Variants in PASK observed in about 807,000 individuals in gnomAD.
PASK encodes PAS domain containing serine/threonine kinase.
A neutral mutation model predicts 121.0 loss-of-function variants in PASK; 110 were observed. The observed-to-expected ratio is 0.91, with a 90% CI of 0.78 to 1.06. PASK has a LOEUF of 1.06. PASK is among the 50% of genes least tolerant of loss of function. PASK has a pLI of 0.00. For synonymous variants in PASK, 686 were observed against 717.8 expected (o/e 0.96, Z 0.71); for missense variants, 1,643 against 1,702.3 (o/e 0.97, Z 0.61).
rs779898732 is a variant in PASK, at chr2:241,124,037, G to C, written c.2816C>G (p.Ser939Ter). The C allele has an allele frequency of 1.2e-6, 2 of 1,613,740 alleles. No individual in the cohort carries two copies. Among genetic ancestry groups the C allele is most frequent in the East Asian group, 4.5e-5 (2 of 44,864 alleles). ...AAGGAACAGGCGGGTCCTGGCGGCT[G>C]AGTCGCGTTGGCTGTGGAGGAGGTC... ...VKDLLHSQRD[S>*]AARTRLFLAS... The change falls in exon 11 of 18, where the codon TCA becomes TGA. Residue 939 changes from serine (S) to a stop codon, truncating the protein, a stop_gained. Transcript: ENST00000234040. LOFTEE classifies it high-confidence loss of function.
intron 3 of PASK, 108 bp from the exon 4 acceptor site, chr2:241,140,163 C>CA (rs1180350683): frequency 1.2e-6 from 1 of 869,422 alleles, no homozygotes; most frequent in African/African-American, 1.7e-5. Flanking sequence ...TCCTGACAGA[C>CA]AGGGTCTCAC....
In PASK at chr2:241,112,524, CA is replaced by C. The variant is rs764990620; in HGVS notation, c.3334-86del. 4.8e-6 allele frequency: 4 copies of C among 830,308 alleles called. No individual in the cohort carries two copies. The highest frequency in any genetic ancestry group is 5.6e-6 in the Non-Finnish European group (3 of 531,230). 51.4% of individuals were successfully genotyped at this position (830,308 alleles called of 1,614,324 possible). A position where few individuals can be genotyped will look rare whatever the true frequency, so the allele number is the denominator to read the frequency against. On this transcript the variant is annotated intron_variant, in intron 14 of 17. Transcript: ENST00000234040. The surrounding 1 kb of genome is among the most constrained non-coding windows in gnomAD (Gnocchi z 5.2). ...TAAAATAAACTGGAACAAAAAAAAA[CA>C]CAAAGAAAAAATAAACCTCCGACTC...
intron 9 of PASK, chr2:241,127,829 G>T: frequency 2.8e-6 from 1 of 355,316 alleles, no homozygotes. Context: ...GGAGGTGTGA[G>T]AGGAAACGAG....
At chr2:241,149,241 C>G (rs1385352530) in intron 1 of PASK, among the ~76,000 whole-genome samples, 173 bp downstream of exon 1, 3 of 152,062 alleles carry the variant, frequency 2.0e-5, no homozygotes, top group African/African-American at 7.2e-5. Context: ...AGGACGCGGG[C>G]TCGGCGGTGC....
At position 241,124,109 on chromosome 2, in the gene PASK, AC is replaced by A; in HGVS notation, c.2743del (p.Val915TrpfsTer15). 1 of 1,602,786 alleles carries A rather than the reference AC, an allele frequency of 6.2e-7. No homozygotes were observed. Among genetic ancestry groups the A allele is most frequent in the Non-Finnish European group, 8.5e-7 (1 of 1,175,232 alleles). The stretch of plus-strand genomic sequence containing the variant: ...CAGAGGTGTGGGGCCCTGGAGCTCC[AC>A]CCGCCTCACCTCAAACTGTATACCT... The part of the protein sequence containing the change: ...RLSIQFEVRR[V>X]ELQGPTPLFC... On this transcript the variant is annotated frameshift_variant, in exon 11 of 18. Coordinates refer to ENST00000234040, the MANE Select transcript of PASK (RefSeq NM_015148.4). LOFTEE classifies it high-confidence loss of function.
In PASK at chr2:241,138,667, G is replaced by A. The variant is rs770752947; in HGVS notation, c.728C>T (p.Ala243Val). The A allele has an allele frequency of 1.2e-6, 2 of 1,614,064 alleles. No individual in the cohort carries two copies. ...TTGCACACTCACATCGCTCTGGAAA[G>A]CGACCCAGGTCGAGACCCTCTCCAC... is the stretch of plus-strand genomic sequence containing the variant. ...EPVERVSTWV[A>V]FQSDGTVTSC... Residue 243 changes from alanine to valine, a missense_variant, in exon 5 of 18, where the codon GCT (alanine) becomes GTT (valine). This residue lies in a region of PASK where 1,176 missense variants were observed against 1,162.2 expected (regional missense o/e 1.01). Transcript: ENST00000234040.
intron 1 of PASK, among the ~76,000 whole-genome samples, chr2:241,145,451 C>T (rs1418669519): frequency 1.3e-5 from 2 of 152,072 alleles, no homozygotes; most frequent in African/African-American, 4.8e-5. Flanking sequence ...AAAGCGAGAC[C>T]TGTCAAACCA....
At chr2:241,149,732 T>C (rs749437378), upstream of PASK, 2 of 1,546,878 alleles carry the variant, frequency 1.3e-6, no homozygotes, top group Non-Finnish European at 1.7e-6. Flanking sequence ...AGCTCGCCTC[T>C]TGGAGGCCTC....
intron 10 of PASK, among the ~76,000 whole-genome samples, chr2:241,125,027 T>C (rs916316529): frequency 1.4e-5 from 2 of 147,602 alleles, no homozygotes; most frequent in Admixed American, 1.3e-4. Context: ...TTAGCCTGGC[T>C]CAGTGGCTCA....
chr2:241,143,325 G>A (rs555497694), intron 1 of PASK, among the ~76,000 whole-genome samples: 2 of 152,282 alleles, frequency 1.3e-5, no homozygotes, highest in Admixed American at 6.5e-5. Flanking sequence ...GGCGGATCAC[G>A]AGGTCAGGAG....
At chr2:241,128,652 A>G (rs2065984121) in intron 9 of PASK, among the ~76,000 whole-genome samples, 2 of 152,196 alleles carry the variant, frequency 1.3e-5, no homozygotes, top group Admixed American at 6.5e-5. Context: ...TGGGAGGCTG[A>G]GCCCAGGAGT....
intron 11 of PASK, 74 bp downstream of exon 11, chr2:241,123,875 G>C (rs2065735228): frequency 1.6e-6 from 2 of 1,237,186 alleles, no homozygotes; most frequent in Admixed American, 3.4e-5. Flanking sequence ...AGGAAACAGA[G>C]AGAGATGCCA....
intron 11 of PASK, among the ~76,000 whole-genome samples, chr2:241,123,555 C>T (rs1367009495): frequency 1.5e-4 from 23 of 151,978 alleles, no homozygotes; most frequent in Non-Finnish European, 3.2e-4. Context: ...CAATGGCTCA[C>T]GCCTATAATC....
chr2:241,139,630 C>T (rs571442587), intron 4 of PASK: 1 of 686,878 alleles, frequency 1.5e-6, no homozygotes, highest in African/African-American at 1.8e-5. Flanking sequence ...GCAAGGGCCA[C>T]CCACGACACC....
chr2:241,149,948 G>A, upstream of PASK: 1 of 1,426,354 alleles, frequency 7.0e-7, no homozygotes, highest in South Asian at 1.5e-5. Flanking sequence ...AGAGAAGGCG[G>A]CATTTCGCAT....
At position 241,124,114 on chromosome 2, in the gene PASK, C is replaced by T; in HGVS notation, c.2739G>A (p.Arg913=). 1 of 1,614,008 alleles carries T rather than the reference C, an allele frequency of 6.2e-7. No individual in the cohort carries two copies. Residue 913 remains arginine (R), a synonymous_variant, in exon 11 of 18, where the codon AGG becomes AGA. Transcript: ENST00000234040. ...GLRLSIQFEV[R]RVELQGPTPL... is the part of the protein sequence containing the mutation. ...GTGTGGGGCCCTGGAGCTCCACCCG[C>T]CTCACCTCAAACTGTATACCTGAAG...
At chr2:241,111,046 G>A (rs1205061572) in intron 15 of PASK, among the ~76,000 whole-genome samples, 1 of 152,234 alleles carries the variant, frequency 6.6e-6, no homozygotes, top group Non-Finnish European at 1.5e-5. Flanking sequence ...TGAGGACTCA[G>A]GGTGTGCAGC....
rs1340311067 is a variant in PASK, at chr2:241,138,701, G to T, written c.694C>A (p.Leu232Met). 1 of 1,614,114 alleles carries T rather than the reference G, an allele frequency of 6.2e-7. No homozygotes were observed. Among genetic ancestry groups the T allele is most frequent in the Non-Finnish European group, 8.5e-7 (1 of 1,180,034 alleles). ...QERRLCCVVV[L>M]EPVERVSTWV... ...GTCGAGACCCTCTCCACGGGCTCCAGGACCACCACGCAGCATAGGCGGCGC... is the reference window on the plus strand; with the variant it reads ...GTCGAGACCCTCTCCACGGGCTCCATGACCACCACGCAGCATAGGCGGCGC... The change falls in exon 5 of 18, where the codon CTG becomes ATG. Residue 232 changes from leucine to methionine, a missense_variant. Leu to Met is a conservative substitution (Grantham distance 15, BLOSUM62 2). Coordinates refer to ENST00000234040, the MANE Select transcript of PASK (RefSeq NM_015148.4).
chr2:241,147,138 G>C (rs2066992368), intron 1 of PASK, among the ~76,000 whole-genome samples: 1 of 152,104 alleles, frequency 6.6e-6, no homozygotes, highest in Non-Finnish European at 1.5e-5. Flanking sequence ...AAATAACAAT[G>C]ACATGATTAT....
Sources: gnomAD v4.1 joint callset for allele counts (sites outside exome capture counted in the v4.1 genomes callset) on GRCh38, gnomAD v4.1.1 for gene constraint, gnomAD v4.1.1 regional missense constraint, Gnocchi (gnomAD v3.1) non-coding constraint, MANE v1.5 for transcripts, NCBI Gene and HGNC (gene_info 2026-07-23, HGNC 2026-07-21) for gene names.